SLC25A21: variants seen among roughly 807,000 people sequenced by gnomAD.
SLC25A21 encodes mitochondrial 2-oxodicarboxylate carrier.
A neutral mutation model predicts 43.8 loss-of-function variants in SLC25A21; 47 were observed. The ratio of observed to expected loss-of-function variants is 1.07; its 90% CI spans 0.85 to 1.37. SLC25A21 has a LOEUF of 1.37. Ranked by LOEUF, SLC25A21 falls within the 40% of genes most tolerant of loss-of-function variation. The pLI, the probability that SLC25A21 is intolerant of heterozygous loss-of-function variation, is 0.00. For missense variants in SLC25A21, 352 were observed against 350.2 expected, an observed-to-expected ratio of 1.00 and a Z score of -0.04; for synonymous variants, 131 against 121.3, an observed-to-expected ratio of 1.08 and a Z score of -0.52.
At chr14:36,892,545 T>A (rs1203486504) in intron 1 of SLC25A21, among the ~76,000 whole-genome samples, 2 of 152,096 alleles carry the variant, frequency 1.3e-5, no homozygotes, top group South Asian at 2.1e-4. Context: ...TACCACATAA[T>A]CTCACTTTTT....
chr14:36,894,587 G>T (rs1313777809), intron 1 of SLC25A21, among the ~76,000 whole-genome samples: 1 of 151,254 alleles, frequency 6.6e-6, no homozygotes, highest in Non-Finnish European at 1.5e-5. Context: ...TTGAATAGGA[G>T]TGGTGAGAGA....
At chr14:36,846,882 T>TA (rs2138508406) in intron 2 of SLC25A21, among the ~76,000 whole-genome samples, 1 of 152,302 alleles carries the variant, frequency 6.6e-6, no homozygotes, top group Non-Finnish European at 1.5e-5. Context: ...ACACGGGTCT[T>TA]AGTCTCTTTC....
chr14:37,076,577 C>T (rs1323542582), intron 1 of SLC25A21, among the ~76,000 whole-genome samples: 1 of 151,580 alleles, frequency 6.6e-6, no homozygotes, highest in African/African-American at 2.4e-5. Flanking sequence ...CAACCTCTGC[C>T]TCCCAGGTTC....
chr14:37,076,322 A>G (rs533952830), intron 1 of SLC25A21, among the ~76,000 whole-genome samples: 2 of 147,160 alleles, frequency 1.4e-5, no homozygotes, highest in Non-Finnish European at 3.0e-5. Context: ...CACCAGGCCC[A>G]GCGAATTTTT....
Position 36,729,500 on chromosome 14 carries a change from C to G in SLC25A21, c.330+7G>C, listed in dbSNP as rs200547428. On this transcript the variant is annotated splice_region_variant and intron_variant, in intron 5 of 9. Transcript: ENST00000331299. Reference sequence around the variant, plus strand: ...CACATTTAAGTATAATAAATACTCTCACTTACCAATGCTGGTGACAGTGAC... The same window carrying G: ...CACATTTAAGTATAATAAATACTCTGACTTACCAATGCTGGTGACAGTGAC... 9.0e-5 allele frequency: 144 copies of G among 1,596,628 alleles called. No homozygotes were observed. Among genetic ancestry groups the G allele is most frequent in the Non-Finnish European group, 1.2e-4 (135 of 1,171,018 alleles).
chr14:37,133,820 G>T (rs1391080530), intron 1 of SLC25A21, among the ~76,000 whole-genome samples: 2 of 152,044 alleles, frequency 1.3e-5, no homozygotes, highest in African/African-American at 4.8e-5. Flanking sequence ...GTTCTTGTTT[G>T]CTCAGAAAAC....
intron 1 of SLC25A21, among the ~76,000 whole-genome samples, chr14:36,940,377 A>G (rs900028941): frequency 1.3e-5 from 2 of 151,784 alleles, no homozygotes; most frequent in Admixed American, 6.6e-5. Flanking sequence ...GTAGGTTGGT[A>G]TTTTTTTTAA....
At chr14:36,713,660 A>G (rs1320022075) in intron 6 of SLC25A21, among the ~76,000 whole-genome samples, 1 of 152,078 alleles carries the variant, frequency 6.6e-6, no homozygotes, top group Non-Finnish European at 1.5e-5. Flanking sequence ...TTAATTTCTA[A>G]ATTTCTAAAT....
chr14:36,830,870 T>G (rs1334417296), intron 2 of SLC25A21, among the ~76,000 whole-genome samples: 1 of 152,006 alleles, frequency 6.6e-6, no homozygotes, highest in Non-Finnish European at 1.5e-5. Context: ...TTTTTAAAAG[T>G]CATAGGTTGA....
intron 1 of SLC25A21, among the ~76,000 whole-genome samples, chr14:36,930,933 C>T (rs1892269718): frequency 6.6e-6 from 1 of 152,088 alleles, no homozygotes; most frequent in South Asian, 2.1e-4. Flanking sequence ...ACACCCATCC[C>T]CCTGCTTCTT....
chr14:36,963,814 T>C (rs1019391599), intron 1 of SLC25A21, among the ~76,000 whole-genome samples: 13 of 152,146 alleles, frequency 8.5e-5, no homozygotes, highest in African/African-American at 2.4e-4. Context: ...ATCACTGTTT[T>C]TGTTTGTGAA....
intron 1 of SLC25A21, among the ~76,000 whole-genome samples, chr14:37,062,848 G>C (rs779375764): frequency 3.3e-5 from 5 of 152,126 alleles, no homozygotes; most frequent in Non-Finnish European, 5.9e-5. Context: ...CCTTGACTCT[G>C]GGTACCCTTG....
intron 1 of SLC25A21, among the ~76,000 whole-genome samples, chr14:37,014,739 A>G (rs186529181): frequency 1.3e-5 from 2 of 152,310 alleles, no homozygotes; most frequent in African/African-American, 4.8e-5. Flanking sequence ...CTTCCAAAAT[A>G]TAATTCTTTA....
At position 37,000,645 on chromosome 14, in the gene SLC25A21, C is replaced by A. The variant is rs563178827; in HGVS notation, c.71-125641G>T. 1.1e-4 allele frequency among the ~76,000 whole-genome samples: 17 copies of A among 152,278 alleles called. No homozygotes were observed. The South Asian group carries it at 3.5e-3, about 32-fold the overall frequency. On this transcript the variant is annotated intron_variant, in intron 1 of 9. Coordinates refer to ENST00000331299, the MANE Select transcript of SLC25A21 (RefSeq NM_030631.4). ...TGATGTGGTTTGGCTCTGTGTCCCA[C>A]CCAAATCTCATATCAAATTGTAATC...
At chr14:36,807,694 C>T (rs918092715) in intron 3 of SLC25A21, among the ~76,000 whole-genome samples, 1 of 152,186 alleles carries the variant, frequency 6.6e-6, no homozygotes, top group African/African-American at 2.4e-5. Context: ...CACTAAGACA[C>T]TGAATTGAGC....
chr14:36,737,351 A>C (rs771426686), intron 3 of SLC25A21, among the ~76,000 whole-genome samples: 3 of 152,158 alleles, frequency 2.0e-5, no homozygotes, highest in Non-Finnish European at 2.9e-5. Context: ...ATATGAAAAG[A>C]GCTGGGAGGT....
chr14:36,686,130 G>A (rs1017714522), intron 7 of SLC25A21, among the ~76,000 whole-genome samples: 1 of 152,050 alleles, frequency 6.6e-6, no homozygotes, highest in Non-Finnish European at 1.5e-5. Flanking sequence ...AACTTCTGAG[G>A]GCTCTGAAAT....
chr14:37,158,319 A>G (rs1404125674), intron 1 of SLC25A21, among the ~76,000 whole-genome samples: 69 of 152,274 alleles, frequency 4.5e-4, no homozygotes, highest in African/African-American at 1.6e-3. Flanking sequence ...GAACATAGAC[A>G]TAAAAATCCT....
At chr14:36,712,366 C>A (rs1365632618) in intron 6 of SLC25A21, among the ~76,000 whole-genome samples, 1 of 150,668 alleles carries the variant, frequency 6.6e-6, no homozygotes, top group Non-Finnish European at 1.5e-5. Context: ...TTTTTTTCCA[C>A]CCATGAGGCA....
Sources: allele counts gnomAD v4.1 joint callset (sites outside exome capture counted in the v4.1 genomes callset), GRCh38; gene constraint gnomAD v4.1.1; transcripts MANE v1.5; gene names NCBI Gene and HGNC (gene_info 2026-07-23, HGNC 2026-07-21).